The following TNKS variants were observed in gnomAD, a reference collection of about 807,000 sequenced individuals.
TNKS encodes poly [ADP-ribose] polymerase tankyrase-1.
In TNKS, 72 loss-of-function variants were observed where a neutral mutation model predicts 135.8. The observed-to-expected ratio is 0.53, with a 90% CI of 0.44 to 0.64. The LOEUF (loss-of-function observed/expected upper bound fraction) is 0.64. Ranked by LOEUF, TNKS falls within the 30% of genes least tolerant of loss-of-function variation. The pLI, the probability that TNKS is intolerant of heterozygous loss-of-function variation, is 0.00. For missense variants in TNKS, 1,769 were observed against 1,674.0 expected, an observed-to-expected ratio of 1.06 and a Z score of -0.99; for synonymous variants, 849 against 649.3, an observed-to-expected ratio of 1.31 and a Z score of -4.68.
At chr8:9,579,436 G>T (rs1415094286) in intron 1 of TNKS, among the ~76,000 whole-genome samples, 6 of 152,004 alleles carry the variant, frequency 3.9e-5, no homozygotes, top group Non-Finnish European at 8.8e-5. Context: ...ATTTGTCTTA[G>T]ATTCGGTTAT....
intron 20 of TNKS, among the ~76,000 whole-genome samples, chr8:9,758,372 TC>T (rs35182361): frequency 0.1 from 15,715 of 152,174 alleles, 1,043 homozygotes; most frequent in African/African-American, 0.18. Flanking sequence ...CTTCTATCCT[TC>T]AGGATAGCCT....
chr8:9,735,309 A>T (rs1383572419), intron 16 of TNKS, 68 bp from the exon 17 acceptor site: 1 of 1,414,914 alleles, frequency 7.1e-7, no homozygotes, highest in African/African-American at 1.4e-5. Flanking sequence ...TCTGGTCCTT[A>T]TTACATATGT....
intron 21 of TNKS, among the ~76,000 whole-genome samples, chr8:9,762,326 G>A (rs774839466): frequency 1.8e-4 from 28 of 152,172 alleles, no homozygotes; most frequent in Admixed American, 2.6e-4. Flanking sequence ...ATTCAAACTG[G>A]AAGATTTTGT....
At chr8:9,746,881 C>CTTTTTTTTGTTTTTTTTTTT (rs1806262734) in intron 17 of TNKS, among the ~76,000 whole-genome samples, 1 of 117,230 alleles carries the variant, frequency 8.5e-6, no homozygotes, top group African/African-American at 3.6e-5. Context: ...CCTACTTAAA[C>CTTTTTTTTGTTTTTTTTTTT]TTTTTTTTTT....
At chr8:9,731,720 C>T (rs936058338) in intron 14 of TNKS, among the ~76,000 whole-genome samples, 1 of 152,062 alleles carries the variant, frequency 6.6e-6, no homozygotes, top group Admixed American at 6.6e-5. Context: ...ATAGTCTTCC[C>T]ATATCAGTAC....
intron 3 of TNKS, among the ~76,000 whole-genome samples, chr8:9,648,946 A>G (rs1019026444): frequency 3.3e-5 from 5 of 149,400 alleles, no homozygotes; most frequent in Admixed American, 2.7e-4. Context: ...TCCTGGGAGA[A>G]AAAAAAAAAA....
intron 23 of TNKS, among the ~76,000 whole-genome samples, chr8:9,765,070 C>T (rs915939492): frequency 2.0e-5 from 3 of 152,202 alleles, no homozygotes; most frequent in African/African-American, 7.2e-5. Flanking sequence ...TCTCCCTGCT[C>T]ATGCACAAAT....
intron 3 of TNKS, among the ~76,000 whole-genome samples, chr8:9,671,758 G>GA (rs1366950231): frequency 3.9e-5 from 6 of 152,138 alleles, no homozygotes; most frequent in African/African-American, 1.4e-4. Context: ...ATTATACTTC[G>GA]AAAAATGAAT....
In TNKS at chr8:9,774,352, C is replaced by T. The variant is rs554061092; in HGVS notation, c.3898-2298C>T. ...TACAGAATCATTCAAGAGAGCATGA[C>T]GGTCCCTTCCTCACCTCTATGAGAC... On this transcript the variant is annotated intron_variant, in intron 26 of 26. Transcript: ENST00000310430. Among the ~76,000 whole-genome samples the T allele has an allele frequency of 3.3e-5, 5 of 152,306 alleles. No homozygotes were observed. The East Asian group carries it at 5.8e-4, about 18-fold the overall frequency.
intron 18 of TNKS, among the ~76,000 whole-genome samples, chr8:9,749,649 G>A (rs922119826): frequency 1.3e-5 from 2 of 151,172 alleles, no homozygotes; most frequent in African/African-American, 4.9e-5. Flanking sequence ...TATTTTTTTT[G>A]TTTTTACTTT....
chr8:9,703,186 C>A (rs1803896241), intron 5 of TNKS, among the ~76,000 whole-genome samples: 1 of 152,082 alleles, frequency 6.6e-6, no homozygotes, highest in African/African-American at 2.4e-5. Context: ...ACTGAGATGG[C>A]TACTTAATTT....
chr8:9,611,461 T>C (rs182797457), intron 2 of TNKS, among the ~76,000 whole-genome samples: 433 of 152,372 alleles, frequency 2.8e-3, no homozygotes, highest in Non-Finnish European at 4.6e-3. Flanking sequence ...GTGGTACTTT[T>C]TCAGAAAAAT....
chr8:9,587,701 C>T (rs1224809222), intron 2 of TNKS, among the ~76,000 whole-genome samples: 2 of 152,234 alleles, frequency 1.3e-5, no homozygotes, highest in Non-Finnish European at 2.9e-5. Flanking sequence ...TGCGCCTGGC[C>T]GACACTTTGA....
intron 2 of TNKS, among the ~76,000 whole-genome samples, chr8:9,612,744 G>A (rs1799508212): frequency 6.6e-6 from 1 of 152,136 alleles, no homozygotes; most frequent in African/African-American, 2.4e-5. Flanking sequence ...CAGGGGTTAG[G>A]ACCGTTGAAC....
chr8:9,728,688 T>TC (rs1227421077), intron 13 of TNKS, among the ~76,000 whole-genome samples: 3 of 152,218 alleles, frequency 2.0e-5, no homozygotes, highest in Non-Finnish European at 4.4e-5. Flanking sequence ...ATTTGATTTG[T>TC]CAATTATGCT....
intron 3 of TNKS, among the ~76,000 whole-genome samples, chr8:9,636,219 T>C (rs1157235550): frequency 6.6e-6 from 1 of 152,190 alleles, no homozygotes; most frequent in Middle Eastern, 3.2e-3. Context: ...ATGGAGGATA[T>C]GGAGGAGCCC....
intron 1 of TNKS, among the ~76,000 whole-genome samples, chr8:9,561,361 T>A (rs1033658134): frequency 2.0e-5 from 3 of 152,202 alleles, no homozygotes; most frequent in African/African-American, 7.2e-5. Context: ...ATACCCCTTA[T>A]CTCAATCTTG....
chr8:9,772,257 G>C (rs1387365546), intron 26 of TNKS: 2 of 381,358 alleles, frequency 5.2e-6, no homozygotes, highest in African/African-American at 4.3e-5. Flanking sequence ...ACTTTCAAAG[G>C]GGGCTGGGGG....
intron 26 of TNKS, among the ~76,000 whole-genome samples, chr8:9,773,679 C>T (rs1169276731): frequency 6.6e-6 from 1 of 151,524 alleles, no homozygotes; most frequent in Non-Finnish European, 1.5e-5. Context: ...CAGAGTGTCT[C>T]ATGAAATAAT....
Sources: allele counts gnomAD v4.1 joint callset (sites outside exome capture counted in the v4.1 genomes callset), GRCh38; gene constraint gnomAD v4.1.1; transcripts MANE v1.5; gene names NCBI Gene and HGNC (gene_info 2026-07-23, HGNC 2026-07-21).